Variants in RNF144A observed in about 807,000 individuals in gnomAD.
The protein encoded by RNF144A is E3 ubiquitin-protein ligase RNF144A.
Under a neutral mutation model 38.7 loss-of-function variants are expected in RNF144A, and 11 were observed. That is an observed-to-expected ratio of 0.28 (90% confidence interval 0.18 to 0.47). The LOEUF (loss-of-function observed/expected upper bound fraction) is 0.47. RNF144A is among the 20% of genes least tolerant of loss of function. The pLI is 0.99. For synonymous variants in RNF144A, 149 were observed against 143.9 expected (o/e 1.04, Z -0.25); for missense variants, 316 against 377.2 (o/e 0.84, Z 1.34).
At position 6,940,287 on chromosome 2, in the gene RNF144A, A is replaced by T. The variant is rs116799982; in HGVS notation, c.-211-661A>T. ...AGTTATTAATATACAGATCTTACAC[A>T]TCTTTTGTTAAAGTTGTTTCTAAGT... On this transcript the variant is annotated intron_variant, in intron 1 of 8. Transcript: ENST00000320892. Among the ~76,000 whole-genome samples the T allele has an allele frequency of 4.5e-3, 691 of 152,256 alleles. 5 individuals are homozygous for T. Among genetic ancestry groups the T allele is most frequent in the African/African-American group, 0.016 (674 of 41,566 alleles).
At chr2:7,057,985 A>C (rs1480056331) in intron 6 of RNF144A, among the ~76,000 whole-genome samples, 1 of 151,898 alleles carries the variant, frequency 6.6e-6, no homozygotes, top group African/African-American at 2.4e-5. Flanking sequence ...GTAGAAGTGA[A>C]GAAGTTAATG....
intron 2 of RNF144A, among the ~76,000 whole-genome samples, chr2:6,972,028 C>T (rs1668027679): frequency 6.6e-6 from 1 of 152,142 alleles, no homozygotes. Flanking sequence ...ACATAGGCCC[C>T]TGGGGAGGAA....
intron 2 of RNF144A, among the ~76,000 whole-genome samples, chr2:6,991,732 G>A (rs1464584226): frequency 1.3e-5 from 2 of 152,098 alleles, no homozygotes; most frequent in East Asian, 1.9e-4. Flanking sequence ...CGAACGCAAT[G>A]TCTGATGTAC....
intron 1 of RNF144A, among the ~76,000 whole-genome samples, chr2:6,924,328 C>T (rs537009954): frequency 3.9e-5 from 6 of 152,326 alleles, no homozygotes; most frequent in South Asian, 2.1e-4. Flanking sequence ...GTGCGATGCA[C>T]GGGAAGCATA....
At chr2:7,056,743 A>C (rs565123851) in intron 6 of RNF144A, among the ~76,000 whole-genome samples, 1 of 152,142 alleles carries the variant, frequency 6.6e-6, no homozygotes, top group African/African-American at 2.4e-5. Context: ...CTTGATTCAA[A>C]TTCCATGGTC....
rs892364173 is a variant in RNF144A at position 7,043,383 on chromosome 2, T to C, written c.*3623T>C. 3.0e-6 allele frequency: 3 copies of C among 985,350 alleles called. No homozygotes were observed. In the East Asian group the frequency reaches 3.4e-4, roughly 112 times the overall value. 61.0% of individuals were successfully genotyped at this position (985,350 alleles called of 1,614,324 possible). A position where few individuals can be genotyped will look rare whatever the true frequency, so the allele number is the denominator to read the frequency against. On this transcript the variant is annotated 3_prime_UTR_variant, in exon 9 of 9. Transcript: ENST00000320892. ...AAAACATTTTTTTCTTGGTAGTCTT[T>C]AAAAATTAGGGGATTGAAAGGATCC... is the stretch of plus-strand genomic sequence containing the variant.
intron 2 of RNF144A, among the ~76,000 whole-genome samples, chr2:6,965,671 C>T (rs1463244626): frequency 2.6e-5 from 4 of 152,124 alleles, no homozygotes; most frequent in African/African-American, 4.8e-5. Flanking sequence ...GGATGGCATC[C>T]GTGACGCTGT....
chr2:6,979,191 G>A (rs899958482), intron 2 of RNF144A, among the ~76,000 whole-genome samples: 14 of 152,336 alleles, frequency 9.2e-5, no homozygotes, highest in African/African-American at 1.4e-4. Flanking sequence ...AGTGGGAGGC[G>A]CTGCTGTGGG....
chr2:7,010,802 G>C (rs1670745475), intron 3 of RNF144A, among the ~76,000 whole-genome samples: 1 of 152,028 alleles, frequency 6.6e-6, no homozygotes, highest in African/African-American at 2.4e-5. Context: ...ACCCAGGTGG[G>C]ACCCCTCCTC....
intron 2 of RNF144A, among the ~76,000 whole-genome samples, chr2:6,948,553 T>C (rs1037321655): frequency 3.0e-4 from 46 of 152,200 alleles, no homozygotes; most frequent in Non-Finnish European, 6.0e-4. Context: ...CAACGGGCCA[T>C]TGGTGGAGTT....
At chr2:7,055,346 C>A (rs1402033321) in intron 6 of RNF144A, among the ~76,000 whole-genome samples, 1 of 152,094 alleles carries the variant, frequency 6.6e-6, no homozygotes, top group African/African-American at 2.4e-5. Flanking sequence ...TTGATTTGGT[C>A]TCAAAAGTTC....
chr2:6,943,611 C>T lies in RNF144A; in HGVS notation c.-12+2464C>T, dbSNP rs1395970765. Among the ~76,000 whole-genome samples, 2 of 152,110 alleles carry T rather than the reference C, an allele frequency of 1.3e-5. No individual in the cohort carries two copies. Among genetic ancestry groups the T allele is most frequent in the Non-Finnish European group, 2.9e-5 (2 of 68,028 alleles). On this transcript the variant is annotated intron_variant, in intron 2 of 8. Coordinates refer to ENST00000320892, the MANE Select transcript of RNF144A (RefSeq NM_014746.6). This position sits in a 1 kb window ranked among gnomAD's most constrained non-coding sequence, Gnocchi z 4.3. ...GTGGGATGGAGGGCTGCTGAAAACA[C>T]TTCTTGAGTAGGAGAGAGAGATGGG...
chr2:6,930,235 A>G (rs1372077067), intron 1 of RNF144A, among the ~76,000 whole-genome samples: 1 of 152,228 alleles, frequency 6.6e-6, no homozygotes, highest in Non-Finnish European at 1.5e-5. Flanking sequence ...GATAGTGGGC[A>G]TGGGAAATGT....
intron 2 of RNF144A, among the ~76,000 whole-genome samples, chr2:6,974,364 G>A (rs920375560): frequency 6.6e-6 from 1 of 152,168 alleles, no homozygotes; most frequent in South Asian, 2.1e-4. Context: ...CCGTTGCCGT[G>A]TCCGTGGTGG....
intron 2 of RNF144A, among the ~76,000 whole-genome samples, chr2:6,990,263 A>G (rs539002084): frequency 1.3e-5 from 2 of 152,136 alleles, no homozygotes; most frequent in South Asian, 4.2e-4. Flanking sequence ...TGGCCAAGAA[A>G]GAGCATGGGA....
In RNF144A at chr2:6,948,288, C is replaced by T. The variant is rs1195596394; in HGVS notation, c.-12+7141C>T. 3.3e-5 allele frequency among the ~76,000 whole-genome samples: 5 copies of T among 152,302 alleles called. No homozygotes were observed. The East Asian group carries it at 9.6e-4, about 29-fold the overall frequency. On this transcript the variant is annotated intron_variant, in intron 2 of 8. Coordinates refer to ENST00000320892, the MANE Select transcript of RNF144A (RefSeq NM_014746.6). ...TCACAGCACAGAGAGAAGAGACAGCCTTAGAGGAGGTTGATTTTTATTCTC... is the reference window on the plus strand; with the variant it reads ...TCACAGCACAGAGAGAAGAGACAGCTTTAGAGGAGGTTGATTTTTATTCTC...
At chr2:6,952,086 C>T (rs919668906) in intron 2 of RNF144A, among the ~76,000 whole-genome samples, 20 of 152,126 alleles carry the variant, frequency 1.3e-4, no homozygotes, top group Middle Eastern at 6.8e-3. Context: ...TCTGATTTGT[C>T]GACTTTTATT....
At chr2:7,069,474 T>C (rs1674373942), downstream of RNF144A, among the ~76,000 whole-genome samples, 1 of 152,198 alleles carries the variant, frequency 6.6e-6, no homozygotes, top group African/African-American at 2.4e-5. Flanking sequence ...TTCATTTCCT[T>C]CACATTCTGT....
intron 3 of RNF144A, among the ~76,000 whole-genome samples, chr2:7,009,956 A>G (rs185483460): frequency 6.6e-6 from 1 of 152,278 alleles, no homozygotes; most frequent in Admixed American, 6.5e-5. Flanking sequence ...TTCACCCTCT[A>G]TCTGCAAGGC....
Sources: gnomAD v4.1 joint callset for allele counts (sites outside exome capture counted in the v4.1 genomes callset) on GRCh38, gnomAD v4.1.1 for gene constraint, Gnocchi (gnomAD v3.1) non-coding constraint, MANE v1.5 for transcripts, NCBI Gene and HGNC (gene_info 2026-07-23, HGNC 2026-07-21) for gene names.